MAP7: variants seen among roughly 807,000 people sequenced by gnomAD.
The protein encoded by MAP7 is microtubule associated protein 7.
Under a neutral mutation model 94.8 loss-of-function variants are expected in MAP7, and 52 were observed. The observed-to-expected ratio is 0.55, with a 90% CI of 0.44 to 0.69. The LOEUF (loss-of-function observed/expected upper bound fraction) is 0.69. Ranked by LOEUF, MAP7 falls within the 30% of genes least tolerant of loss-of-function variation. MAP7 has a pLI of 0.00. For synonymous variants in MAP7, 350 were observed against 357.0 expected, an observed-to-expected ratio of 0.98 and a Z score of 0.22; for missense variants, 940 against 964.6, an observed-to-expected ratio of 0.97 and a Z score of 0.34.
chr6:136,539,204 T>C (rs1829120619), intron 1 of MAP7, among the ~76,000 whole-genome samples: 1 of 152,218 alleles, frequency 6.6e-6, no homozygotes, highest in South Asian at 2.1e-4. Flanking sequence ...CTAAGAACTT[T>C]AGTATCAACT....
intron 1 of MAP7, among the ~76,000 whole-genome samples, chr6:136,454,554 T>A (rs1802254577): frequency 6.6e-6 from 1 of 151,748 alleles, no homozygotes; most frequent in Non-Finnish European, 1.5e-5. Flanking sequence ...CGCCTTAGCC[T>A]CCCAAAGTGC....
At chr6:136,395,949 G>A (rs901580735) in intron 3 of MAP7, among the ~76,000 whole-genome samples, 2 of 152,068 alleles carry the variant, frequency 1.3e-5, no homozygotes. Context: ...TGCTGTTTTG[G>A]TTACTATAGT....
At chr6:136,400,804 T>G (rs187418679) in intron 3 of MAP7, among the ~76,000 whole-genome samples, 1 of 152,344 alleles carries the variant, frequency 6.6e-6, no homozygotes, top group East Asian at 1.9e-4. Context: ...GCCTCTATAT[T>G]CACTTCTGCA....
intron 1 of MAP7, among the ~76,000 whole-genome samples, chr6:136,542,624 A>G (rs1459518063): frequency 6.6e-6 from 1 of 152,212 alleles, no homozygotes; most frequent in Non-Finnish European, 1.5e-5. Flanking sequence ...TGTGCTATAT[A>G]ATGGCACTTC....
chr6:136,363,198 T>G (rs1023845890), intron 10 of MAP7, among the ~76,000 whole-genome samples: 4 of 152,262 alleles, frequency 2.6e-5, no homozygotes, highest in Non-Finnish European at 4.4e-5. Flanking sequence ...GAGCTGTCTC[T>G]AGGTCTGAGA....
chr6:136,428,296 A>G (rs1349431808), intron 1 of MAP7, among the ~76,000 whole-genome samples: 1 of 152,134 alleles, frequency 6.6e-6, no homozygotes, highest in Non-Finnish European at 1.5e-5. Context: ...TGGGCAGATC[A>G]CCTGAGGTCA....
intron 3 of MAP7, among the ~76,000 whole-genome samples, chr6:136,408,386 T>G (rs1786286584): frequency 6.6e-6 from 1 of 152,182 alleles, no homozygotes; most frequent in African/African-American, 2.4e-5. Context: ...AAAGCATGAC[T>G]CAGAGATTTA....
At chr6:136,409,228 A>G (rs1463498351) in intron 3 of MAP7, among the ~76,000 whole-genome samples, 1 of 152,218 alleles carries the variant, frequency 6.6e-6, no homozygotes, top group East Asian at 1.9e-4. Flanking sequence ...GGTAAGAATA[A>G]AGAGAAAAAT....
chr6:136,467,105 G>T (rs1184882975), intron 1 of MAP7, among the ~76,000 whole-genome samples: 1 of 152,144 alleles, frequency 6.6e-6, no homozygotes, highest in Non-Finnish European at 1.5e-5. Flanking sequence ...GTTAAGAAAT[G>T]GTTGCTAAAC....
At position 136,383,279 on chromosome 6, in the gene MAP7, C is replaced by A. The variant is rs148321237; in HGVS notation, c.637+392G>T. ...CATTTAAAAAGTTTTTAAAGAAAGT[C>A]AGAGCCTGGAATTCCCAAAGTACAG... On this transcript the variant is annotated intron_variant, in intron 6 of 17. Coordinates refer to ENST00000354570, the MANE Select transcript of MAP7 (RefSeq NM_003980.6). 3.1e-3 allele frequency among the ~76,000 whole-genome samples: 470 copies of A among 152,270 alleles called. 9 individuals carry two copies. The highest frequency in any genetic ancestry group is 3.5e-4 in the Non-Finnish European group (24 of 68,020).
At chr6:136,468,759 G>C (rs1329367588) in intron 1 of MAP7, among the ~76,000 whole-genome samples, 1 of 152,160 alleles carries the variant, frequency 6.6e-6, no homozygotes, top group Admixed American at 6.5e-5. Flanking sequence ...CCATCATAAA[G>C]CTGAAAACTC....
intron 1 of MAP7, among the ~76,000 whole-genome samples, chr6:136,506,220 G>C (rs1228348447): frequency 6.6e-6 from 1 of 152,114 alleles, no homozygotes; most frequent in Non-Finnish European, 1.5e-5. Context: ...AGGGAGAATT[G>C]AATATACATA....
Position 136,372,211 on chromosome 6 carries a change from T to G in MAP7, c.876+290A>C, listed in dbSNP as rs375348584. On this transcript the variant is annotated intron_variant, in intron 8 of 17. Coordinates refer to ENST00000354570, the MANE Select transcript of MAP7 (RefSeq NM_003980.6). ...TGAAAGTATTCTGGCATTGTACTTATGTGTATGGACGCTCCAGGAGGGTAG... is the reference window on the plus strand; with the variant it reads ...TGAAAGTATTCTGGCATTGTACTTAGGTGTATGGACGCTCCAGGAGGGTAG... Among the ~76,000 whole-genome samples, 14 of 152,234 alleles carry G rather than the reference T, an allele frequency of 9.2e-5. 1 individual carries two copies. The highest frequency in any genetic ancestry group is 7.7e-4 in the East Asian group (4 of 5,188).
At chr6:136,492,510 T>G (rs763420959) in intron 1 of MAP7, among the ~76,000 whole-genome samples, 7 of 152,226 alleles carry the variant, frequency 4.6e-5, no homozygotes, top group Non-Finnish European at 1.0e-4. Context: ...TAATCTTAGC[T>G]CTAATGTTTT....
intron 1 of MAP7, among the ~76,000 whole-genome samples, chr6:136,480,905 C>T (rs895530415): frequency 6.6e-6 from 1 of 152,066 alleles, no homozygotes; most frequent in Non-Finnish European, 1.5e-5. Flanking sequence ...ATGTAAGGAG[C>T]ACAAACAGCT....
intron 2 of MAP7, among the ~76,000 whole-genome samples, chr6:136,416,805 C>CAA (rs573300458): frequency 1.4e-4 from 15 of 111,062 alleles, no homozygotes; most frequent in African/African-American, 2.6e-4. Flanking sequence ...GACTACGTCT[C>CAA]AAAAAAAAAA....
chr6:136,475,734 G>C (rs1259193533), intron 1 of MAP7: 1 of 151,858 alleles, frequency 6.6e-6, no homozygotes, highest in Non-Finnish European at 1.5e-5. Flanking sequence ...TTTTAGGATG[G>C]AGCAATCCTT....
intron 1 of MAP7, among the ~76,000 whole-genome samples, chr6:136,430,317 T>C (rs1794526958): frequency 6.6e-6 from 1 of 152,254 alleles, no homozygotes; most frequent in Non-Finnish European, 1.5e-5. Flanking sequence ...GCCAGTATTT[T>C]ACAAAATGAT....
chr6:136,356,307 G>A (rs1399976679), intron 16 of MAP7, among the ~76,000 whole-genome samples: 2 of 151,996 alleles, frequency 1.3e-5, no homozygotes, highest in Admixed American at 1.3e-4. Context: ...GGGACTACAA[G>A]CACACACTAT....
Sources: allele counts gnomAD v4.1 joint callset (sites outside exome capture counted in the v4.1 genomes callset), GRCh38; gene constraint gnomAD v4.1.1; transcripts MANE v1.5; gene names NCBI Gene and HGNC (gene_info 2026-07-23, HGNC 2026-07-21).